TRHDE: variants seen among roughly 807,000 people sequenced by gnomAD.
TRHDE encodes the protein thyrotropin-releasing hormone-degrading ectoenzyme.
In TRHDE, 72 loss-of-function variants were observed where a neutral mutation model predicts 125.7. The observed-to-expected ratio is 0.57, with a 90% CI of 0.47 to 0.70. The LOEUF is 0.70. TRHDE is among the 30% of genes least tolerant of loss of function. The probability of loss-of-function intolerance (pLI) is 0.00; values close to 1 mark genes in which losing one functional copy is unlikely to be tolerated. For missense variants in TRHDE, 1,110 were observed against 1,327.1 expected, an observed-to-expected ratio of 0.84 and a Z score of 2.54; for synonymous variants, 509 against 509.1, an observed-to-expected ratio of 1.00 and a Z score of 0.00.
chr12:72,397,388 T>C (rs1244571175), intron 3 of TRHDE, among the ~76,000 whole-genome samples: 1 of 152,228 alleles, frequency 6.6e-6, no homozygotes, highest in East Asian at 1.9e-4. Flanking sequence ...CAACTTTTCC[T>C]ATTGTCCATT....
At chr12:72,112,953 A>G (rs1459668986) in intron 2 of TRHDE, among the ~76,000 whole-genome samples, 1 of 152,224 alleles carries the variant, frequency 6.6e-6, no homozygotes, top group Admixed American at 6.5e-5. Context: ...CAGGCTAGCC[A>G]GTAATGTATG....
At position 72,486,597 on chromosome 12, in the gene TRHDE, C is replaced by T. The variant is rs115364481; in HGVS notation, c.1585-12901C>T. Reference sequence around the variant, plus strand: ...TAGACAGAGACTACACCACTGCACCCGCATGGAACCAGAGCAACTTCACCC... The same window carrying T: ...TAGACAGAGACTACACCACTGCACCTGCATGGAACCAGAGCAACTTCACCC... On this transcript the variant is annotated intron_variant, in intron 5 of 18. Transcript: ENST00000261180. Among the ~76,000 whole-genome samples the T allele has an allele frequency of 1.7e-3, 263 of 152,260 alleles. 2 individuals carry two copies. Among genetic ancestry groups the T allele is most frequent in the African/African-American group, 6.1e-3 (253 of 41,550 alleles).
intron 12 of TRHDE, among the ~76,000 whole-genome samples, chr12:72,599,431 G>A (rs146238851): frequency 8.1e-4 from 123 of 152,210 alleles, no homozygotes; most frequent in African/African-American, 2.8e-3. Flanking sequence ...ATGTGAGATA[G>A]TATCTCATTG....
intron 2 of TRHDE, among the ~76,000 whole-genome samples, chr12:72,175,775 A>T (rs1271051304): frequency 6.6e-6 from 1 of 152,252 alleles, no homozygotes; most frequent in African/African-American, 2.4e-5. Context: ...AGTGTGAATT[A>T]TGAAGATAAG....
At chr12:72,623,745 G>A (rs1349533592) in intron 15 of TRHDE, among the ~76,000 whole-genome samples, 1 of 152,020 alleles carries the variant, frequency 6.6e-6, no homozygotes, top group East Asian at 1.9e-4. Context: ...GCAGTGGTAG[G>A]TATCTATCTA....
chr12:72,347,126 A>T (rs555148552), intron 2 of TRHDE, among the ~76,000 whole-genome samples: 34 of 152,208 alleles, frequency 2.2e-4, no homozygotes, highest in African/African-American at 7.9e-4. Flanking sequence ...TTATTTCCAA[A>T]TGTGGCATAT....
chr12:72,654,535 C>T (rs1200344675), intron 17 of TRHDE, among the ~76,000 whole-genome samples: 1 of 152,080 alleles, frequency 6.6e-6, no homozygotes, highest in Non-Finnish European at 1.5e-5. Flanking sequence ...AGACATTTTC[C>T]CTGCCTTTCT....
rs1028846892 is a variant in TRHDE at position 72,670,532 on chromosome 12, C to A, written c.*7337C>A. ...GCAGATAAGGCCAAAATAAATAATA[C>A]CATCTGTTTTTTTCACTTGAAAATA... On this transcript the variant is annotated 3_prime_UTR_variant, in exon 19 of 19. Transcript: ENST00000261180. 2 of 151,404 alleles carry A rather than the reference C, an allele frequency of 1.3e-5. No homozygotes were observed. The highest frequency in any genetic ancestry group is 4.2e-4 in the South Asian group (2 of 4,808). 9.4% of individuals were successfully genotyped at this position (151,404 alleles called of 1,614,324 possible). A position where few individuals can be genotyped will look rare whatever the true frequency, so the allele number is the denominator to read the frequency against.
chr12:72,094,706 T>C (rs1311274109), intron 1 of TRHDE, among the ~76,000 whole-genome samples: 2 of 152,248 alleles, frequency 1.3e-5, no homozygotes, highest in Admixed American at 6.5e-5. Flanking sequence ...TCCTGGCAGA[T>C]GGTTCTGGTG....
chr12:72,368,947 A>G (rs1871454726), intron 2 of TRHDE, among the ~76,000 whole-genome samples: 1 of 152,154 alleles, frequency 6.6e-6, no homozygotes, highest in Non-Finnish European at 1.5e-5. Flanking sequence ...TGCCAAGTCC[A>G]GATATGGTCT....
intron 1 of TRHDE, among the ~76,000 whole-genome samples, chr12:72,094,132 C>T (rs534973995): frequency 1.3e-5 from 2 of 152,334 alleles, no homozygotes; most frequent in South Asian, 4.1e-4. Flanking sequence ...TAATTCCTGT[C>T]TGGTCCTTGG....
intron 3 of TRHDE, among the ~76,000 whole-genome samples, chr12:72,382,254 A>C (rs771112893): frequency 5.3e-5 from 8 of 152,088 alleles, no homozygotes; most frequent in Non-Finnish European, 1.0e-4. Context: ...AGCAATATGA[A>C]GGTCACCGGT....
chr12:72,444,812 C>T (rs1351106498), intron 3 of TRHDE, among the ~76,000 whole-genome samples: 1 of 151,732 alleles, frequency 6.6e-6, no homozygotes, highest in Non-Finnish European at 1.5e-5. Context: ...TTAAAGGAGG[C>T]GTGGTGAGGA....
intron 6 of TRHDE, among the ~76,000 whole-genome samples, chr12:72,529,018 G>A (rs925638420): frequency 2.0e-5 from 3 of 151,610 alleles, no homozygotes; most frequent in African/African-American, 7.3e-5. Flanking sequence ...AAGTTACCTC[G>A]AGTGTCTCAC....
At chr12:72,154,697 T>C (rs1230499695) in intron 2 of TRHDE, among the ~76,000 whole-genome samples, 1 of 152,220 alleles carries the variant, frequency 6.6e-6, no homozygotes, top group Admixed American at 6.5e-5. Flanking sequence ...AAAATTCTTT[T>C]CTTTAAGAAT....
rs73342634 is a variant in TRHDE at position 72,349,071 on chromosome 12, G to T, written c.1189-28924G>T. On this transcript the variant is annotated intron_variant, in intron 2 of 18. Coordinates refer to ENST00000261180, the MANE Select transcript of TRHDE (RefSeq NM_013381.3). ...GTCTCCCTCTGGTCCATTAATATTA[G>T]CAATTGTAAGTGATGTAATCCTGTT... Among the ~76,000 whole-genome samples the T allele has an allele frequency of 3.8e-3, 579 of 152,042 alleles. 5 individuals are homozygous for T. Among genetic ancestry groups the T allele is most frequent in the African/African-American group, 0.013 (556 of 41,502 alleles).
intron 2 of TRHDE, among the ~76,000 whole-genome samples, chr12:72,337,991 C>T (rs553164410): frequency 2.5e-4 from 33 of 129,558 alleles, no homozygotes; most frequent in African/African-American, 7.3e-4. Context: ...AAGCAGAACT[C>T]GGAAAAAAAA....
chr12:72,217,444 A>G (rs919939970), intron 2 of TRHDE, among the ~76,000 whole-genome samples: 12 of 152,178 alleles, frequency 7.9e-5, no homozygotes, highest in African/African-American at 2.2e-4. Flanking sequence ...ATCATTTACT[A>G]TATTTGGAAA....
chr12:72,308,812 A>T lies in TRHDE; in HGVS notation c.1188+21858A>T, dbSNP rs10879398. On this transcript the variant is annotated intron_variant, in intron 2 of 18. Coordinates refer to ENST00000261180, the MANE Select transcript of TRHDE (RefSeq NM_013381.3). ...GGTATGATATGAAGTTATACCATGA[A>T]GAAACTTCTCTAATCCAGTATTATT... Among the ~76,000 whole-genome samples, 21 of 151,970 alleles carry T rather than the reference A, an allele frequency of 1.4e-4. 1 individual carries two copies. The highest frequency in any genetic ancestry group is 2.2e-4 in the Non-Finnish European group (15 of 67,968).
Sources: allele counts gnomAD v4.1 joint callset (sites outside exome capture counted in the v4.1 genomes callset), GRCh38; gene constraint gnomAD v4.1.1; transcripts MANE v1.5; gene names NCBI Gene and HGNC (gene_info 2026-07-23, HGNC 2026-07-21).